The following GC variants were observed in gnomAD, a reference collection of about 807,000 sequenced individuals.
GC encodes GC vitamin D binding protein.
GC carries 43 observed loss-of-function variants against 56.7 expected under a neutral mutation model. That is an observed-to-expected ratio of 0.76 (90% CI 0.59 to 0.98). The LOEUF is 0.98. GC is among the 50% of genes least tolerant of loss of function. The probability of loss-of-function intolerance (pLI) is 0.00; values close to 1 mark genes in which losing one functional copy is unlikely to be tolerated. For synonymous variants in GC, 216 were observed against 202.7 expected (o/e 1.07, Z -0.56); for missense variants, 529 against 545.9 (o/e 0.97, Z 0.31).
chr4:71,755,321 C>A (rs1220560198), intron 8 of GC, among the ~76,000 whole-genome samples: 1 of 151,882 alleles, frequency 6.6e-6, no homozygotes, highest in African/African-American at 2.4e-5. Flanking sequence ...CACCACCATG[C>A]CCGGCTAAGT....
chr4:71,790,431 C>T (rs1379858035), intron 1 of GC, among the ~76,000 whole-genome samples: 1 of 151,958 alleles, frequency 6.6e-6, no homozygotes, highest in Non-Finnish European at 1.5e-5. Context: ...AAACATCTTG[C>T]TTGTTTTATC....
intron 11 of GC, among the ~76,000 whole-genome samples, chr4:71,750,676 G>A (rs1324804293): frequency 6.6e-6 from 1 of 152,134 alleles, no homozygotes; most frequent in Non-Finnish European, 1.5e-5. Flanking sequence ...CTTGAGGTCA[G>A]GAGTTCCAGA....
chr4:71,763,451 A>T lies in GC; in HGVS notation c.658T>A (p.Cys220Ser). 6.2e-7 allele frequency: 1 copy of T among 1,608,092 alleles called. No homozygotes were observed. Among genetic ancestry groups the T allele is most frequent in the East Asian group, 2.2e-5 (1 of 44,766 alleles). Reference protein sequence around the residue: ...SLLTTLSNRVCSQYAAYGEKK... With the variant: ...SLLTTLSNRVSSQYAAYGEKK... The stretch of plus-strand genomic sequence containing the variant: ...TCCCCATAAGCAGCATATTGTGAGC[A>T]GACTCTATTTGACAGAGTGGTGAGA... The change falls in exon 6 of 13, where the codon TGC (cysteine) becomes AGC (serine). Residue 220 changes from cysteine (C) to serine (S), a missense_variant. By Grantham distance (112) the Cys-to-Ser change is moderately radical. Coordinates refer to ENST00000273951, the MANE Select transcript of GC (RefSeq NM_000583.4).
chr4:71,781,290 C>A (rs192659969), intron 1 of GC, among the ~76,000 whole-genome samples: 1 of 151,502 alleles, frequency 6.6e-6, no homozygotes, highest in Non-Finnish European at 1.5e-5. Context: ...ATGTAAATGA[C>A]GAGTTAATGG....
At chr4:71,804,428 G>A (rs530970055), upstream of GC, among the ~76,000 whole-genome samples, 236 of 152,274 alleles carry the variant, frequency 1.5e-3, no homozygotes, top group African/African-American at 4.8e-3. Flanking sequence ...GATGGGCATG[G>A]TTAGAGGTTG....
intron 1 of GC, among the ~76,000 whole-genome samples, chr4:71,769,956 C>A (rs1742294293): frequency 1.3e-5 from 2 of 152,248 alleles, no homozygotes; most frequent in African/African-American, 4.8e-5. Context: ...TGGCTCCTGG[C>A]TGTCTAAGGG....
intron 4 of GC, 104 bp downstream of exon 4, chr4:71,765,328 T>C: frequency 4.6e-6 from 4 of 866,200 alleles, no homozygotes; most frequent in East Asian, 2.4e-5. Flanking sequence ...TCAGAATTTG[T>C]TCAGGTTGCT....
intron 1 of GC, among the ~76,000 whole-genome samples, chr4:71,798,932 T>C (rs1238384609): frequency 6.6e-6 from 1 of 152,196 alleles, no homozygotes; most frequent in Non-Finnish European, 1.5e-5. Context: ...TGAGATATAA[T>C]TTAAATACAA....
chr4:71,752,068 C>CTATA (rs908754746), intron 11 of GC, among the ~76,000 whole-genome samples: 4 of 151,946 alleles, frequency 2.6e-5, no homozygotes, highest in African/African-American at 9.7e-5. Flanking sequence ...ATCTACCTGC[C>CTATA]TATATATGCA....
intron 1 of GC, among the ~76,000 whole-genome samples, chr4:71,793,131 C>T (rs1743012196): frequency 6.6e-6 from 1 of 152,118 alleles, no homozygotes; most frequent in Non-Finnish European, 1.5e-5. Flanking sequence ...TTAGGATTGT[C>T]TTGGCAAGTC....
At chr4:71,796,712 G>A (rs537553133) in intron 1 of GC, among the ~76,000 whole-genome samples, 25 of 152,176 alleles carry the variant, frequency 1.6e-4, no homozygotes, top group Non-Finnish European at 2.2e-4. Flanking sequence ...CGTTGCTGGC[G>A]AGGAGCTGCA....
chr4:71,768,426 C>A lies in GC; in HGVS notation c.136G>T (p.Val46Phe). The A allele has an allele frequency of 6.2e-7, 1 of 1,605,252 alleles. No homozygotes were observed. The highest frequency in any genetic ancestry group is 1.1e-5 in the South Asian group (1 of 89,290). ...CTGGGAAATTTTCTACTGTACAGGA[C>A]TAGTGACCTGAGGGGAAAATAAGAC... ...GKEDFTSLSL[V>F]LYSRKFPSGT... Residue 46 changes from valine to phenylalanine, a missense_variant, in exon 3 of 13, where the codon GTC becomes TTC. Coordinates refer to ENST00000273951, the MANE Select transcript of GC (RefSeq NM_000583.4).
At chr4:71,747,092 A>G (rs1741400521) in intron 11 of GC, among the ~76,000 whole-genome samples, 1 of 152,196 alleles carries the variant, frequency 6.6e-6, no homozygotes, top group Non-Finnish European at 1.5e-5. Flanking sequence ...GGAGAAATAA[A>G]AAGAGTCACT....
At chr4:71,800,740 T>C (rs1200118571) in intron 1 of GC, among the ~76,000 whole-genome samples, 1 of 152,176 alleles carries the variant, frequency 6.6e-6, no homozygotes, top group Non-Finnish European at 1.5e-5. Flanking sequence ...CTTGCCAGCA[T>C]CTGTTGTTTC....
intron 1 of GC, among the ~76,000 whole-genome samples, chr4:71,800,987 C>A (rs1297228993): frequency 6.7e-6 from 1 of 149,148 alleles, no homozygotes; most frequent in Non-Finnish European, 1.5e-5. Flanking sequence ...AGAAAAATGG[C>A]CTTTATCAAA....
At position 71,765,493 on chromosome 4, in the gene GC, C is replaced by G; in HGVS notation, c.412G>C (p.Glu138Gln). The change falls in exon 4 of 13, where the codon GAA becomes CAA. Residue 138 changes from glutamate (E) to glutamine (Q), a missense_variant. Transcript: ENST00000273951. ...HQPQEFPTYV[E>Q]PTNDEICEAF... ...TCACAGATTTCATCATTTGTGGGTT[C>G]CACGTAGGTAGGGAATTCCTGTGGC... The G allele has an allele frequency of 6.2e-7, 1 of 1,614,016 alleles. No individual in the cohort carries two copies. The highest frequency in any genetic ancestry group is 8.5e-7 in the Non-Finnish European group (1 of 1,179,968).
At chr4:71,801,560 A>G (rs1167907447) in intron 1 of GC, among the ~76,000 whole-genome samples, 1 of 152,124 alleles carries the variant, frequency 6.6e-6, no homozygotes, top group Admixed American at 6.5e-5. Flanking sequence ...ACTCACAGAA[A>G]TCTCAAACTT....
chr4:71,787,528 A>G (rs1272504237), upstream of GC, among the ~76,000 whole-genome samples: 4 of 151,930 alleles, frequency 2.6e-5, no homozygotes, highest in Non-Finnish European at 4.4e-5. Flanking sequence ...CAAAAGATCT[A>G]CATGGCTCTT....
At chr4:71,768,547 C>T in intron 2 of GC, 114 bp from the exon 3 acceptor site, 2 of 788,542 alleles carry the variant, frequency 2.5e-6, no homozygotes, top group South Asian at 2.2e-5. Flanking sequence ...CAGCTCACTG[C>T]ACTCTCTGCC....
Sources: gnomAD v4.1 joint callset for allele counts (sites outside exome capture counted in the v4.1 genomes callset) on GRCh38, gnomAD v4.1.1 for gene constraint, MANE v1.5 for transcripts, NCBI Gene and HGNC (gene_info 2026-07-23, HGNC 2026-07-21) for gene names.